The following UVRAG variants were observed in gnomAD, a reference collection of about 807,000 sequenced individuals.
UVRAG encodes UV radiation resistance-associated gene protein.
Under a neutral mutation model 78.0 loss-of-function variants are expected in UVRAG, and 19 were observed. The observed-to-expected ratio is 0.24, with a 90% confidence interval of 0.17 to 0.36. UVRAG has a LOEUF of 0.36. Ranked by LOEUF, UVRAG falls within the 10% of genes least tolerant of loss-of-function variation. The pLI is 1.00. For synonymous variants in UVRAG, 323 were observed against 324.6 expected, an observed-to-expected ratio of 1.00 and a Z score of 0.05; for missense variants, 740 against 853.8, an observed-to-expected ratio of 0.87 and a Z score of 1.66.
intron 4 of UVRAG, among the ~76,000 whole-genome samples, chr11:75,885,506 A>T (rs546524401): frequency 6.6e-6 from 1 of 152,132 alleles, no homozygotes; most frequent in Non-Finnish European, 1.5e-5. Flanking sequence ...AAGATCGCGC[A>T]GTGTTTGGTG....
At chr11:75,903,612 C>T (rs1279835786) in intron 5 of UVRAG, among the ~76,000 whole-genome samples, 2 of 152,180 alleles carry the variant, frequency 1.3e-5, no homozygotes, top group African/African-American at 4.8e-5. Context: ...CCAAATACTG[C>T]CACCCCTGCA....
intron 3 of UVRAG, among the ~76,000 whole-genome samples, chr11:75,863,654 T>C (rs1035153368): frequency 1.3e-5 from 2 of 152,236 alleles, no homozygotes; most frequent in Non-Finnish European, 2.9e-5. Context: ...CTTCAATTGC[T>C]TTGGAGCTAT....
At chr11:75,841,405 G>C (rs1945905855) in intron 1 of UVRAG, among the ~76,000 whole-genome samples, 1 of 152,070 alleles carries the variant, frequency 6.6e-6, no homozygotes, top group Admixed American at 6.5e-5. Context: ...GACAGGGTGT[G>C]CACTGAAAAG....
intron 12 of UVRAG, among the ~76,000 whole-genome samples, chr11:76,037,480 A>G (rs1950555866): frequency 2.2e-5 from 3 of 138,890 alleles, no homozygotes; most frequent in Admixed American, 1.6e-4. Context: ...CAGCGGGCAG[A>G]TTGCTTGATC....
intron 12 of UVRAG, among the ~76,000 whole-genome samples, chr11:76,055,154 C>T (rs1457295861): frequency 6.6e-6 from 1 of 152,048 alleles, no homozygotes; most frequent in Non-Finnish European, 1.5e-5. Context: ...CTCAAGTGAT[C>T]CTCCCACCTC....
At chr11:75,893,545 G>A (rs1947268619) in intron 5 of UVRAG, among the ~76,000 whole-genome samples, 1 of 151,954 alleles carries the variant, frequency 6.6e-6, no homozygotes, top group South Asian at 2.1e-4. Flanking sequence ...ATCAGCAGCA[G>A]TAGATGCCAG....
chr11:75,888,129 G>A lies in UVRAG; in HGVS notation c.433-700G>A, dbSNP rs1947132294. On this transcript the variant is annotated intron_variant, in intron 4 of 14. Coordinates refer to ENST00000356136, the MANE Select transcript of UVRAG (RefSeq NM_003369.4). ...TATTAATCTTTTATGTTTTTCTAGG[G>A]CTTCATTTTTTTTCTTATTTTTAAG... 2.6e-5 allele frequency among the ~76,000 whole-genome samples: 4 copies of A among 152,004 alleles called. No homozygotes were observed. The South Asian group carries it at 8.3e-4, about 32-fold the overall frequency.
chr11:76,035,724 T>C (rs1222113030), intron 12 of UVRAG, among the ~76,000 whole-genome samples: 1 of 152,188 alleles, frequency 6.6e-6, no homozygotes, highest in Non-Finnish European at 1.5e-5. Flanking sequence ...ATGGACAGTT[T>C]AAAGTAAATT....
intron 2 of UVRAG, among the ~76,000 whole-genome samples, chr11:75,859,145 C>T (rs1321984239): frequency 1.3e-5 from 2 of 152,056 alleles, no homozygotes; most frequent in African/African-American, 4.8e-5. Flanking sequence ...GAGGCCGAGG[C>T]GTGTGGATCA....
Position 76,119,601 on chromosome 11 carries a change from G to A in UVRAG, c.1397+3586G>A, listed in dbSNP as rs77375909. ...CTGTCTACCCAGTTGCTCAAACCAG[G>A]GAATCATCCTTGATCCCCTTCTTTT... On this transcript the variant is annotated intron_variant, in intron 14 of 14. Transcript: ENST00000356136. Among the ~76,000 whole-genome samples the A allele has an allele frequency of 4.6e-3, 701 of 152,252 alleles. 3 individuals are homozygous for A. Among genetic ancestry groups the A allele is most frequent in the Non-Finnish European group, 7.5e-3 (512 of 68,018 alleles).
chr11:75,885,220 A>G (rs1196374750), intron 4 of UVRAG, among the ~76,000 whole-genome samples: 1 of 152,102 alleles, frequency 6.6e-6, no homozygotes, highest in Non-Finnish European at 1.5e-5. Flanking sequence ...CAAAAATCAA[A>G]TCTGGTACTT....
At chr11:75,889,147 T>C (rs1947159096) in intron 5 of UVRAG, among the ~76,000 whole-genome samples, 1 of 152,252 alleles carries the variant, frequency 6.6e-6, no homozygotes, top group Non-Finnish European at 1.5e-5. Context: ...TGGAGCTAGC[T>C]GTTTTCTCTT....
chr11:75,958,652 T>C (rs1948850910), intron 6 of UVRAG, among the ~76,000 whole-genome samples: 1 of 152,142 alleles, frequency 6.6e-6, no homozygotes, highest in African/African-American at 2.4e-5. Flanking sequence ...TCTTCCAAAG[T>C]CCTGTTAATG....
chr11:76,027,019 C>T (rs972012116), intron 12 of UVRAG, among the ~76,000 whole-genome samples: 2 of 151,208 alleles, frequency 1.3e-5, no homozygotes, highest in African/African-American at 4.9e-5. Flanking sequence ...TGTTTTAGAA[C>T]CAGTCGGAAT....
chr11:75,883,369 C>CAAAAA (rs561377655), intron 4 of UVRAG, among the ~76,000 whole-genome samples: 12 of 47,946 alleles, frequency 2.5e-4, no homozygotes, highest in East Asian at 6.5e-4. Context: ...TAACAGAGAA[C>CAAAAA]AAAAAAAAAA....
rs1474771134 is a variant in UVRAG, at chr11:76,107,524, T to TGTGTCCA, written c.1306-8395_1306-8389dup. 2.0e-5 allele frequency among the ~76,000 whole-genome samples: 3 copies of TGTGTCCA among 152,256 alleles called. No homozygotes were observed. In the East Asian group the frequency reaches 5.8e-4, roughly 29 times the overall value. ...AGTCCTCAGAATGGTAGACCTGAGC[T>TGTGTCCA]GTGTCCAGTGTTTACATTATAACAT... On this transcript the variant is annotated intron_variant, in intron 13 of 14. Coordinates refer to ENST00000356136, the MANE Select transcript of UVRAG (RefSeq NM_003369.4).
chr11:76,131,190 TTGTA>T (rs1952507262), intron 14 of UVRAG, among the ~76,000 whole-genome samples: 1 of 152,192 alleles, frequency 6.6e-6, no homozygotes, highest in African/African-American at 2.4e-5. Context: ...CTACATTAAT[TTGTA>T]TGATGATTTC....
At chr11:76,122,957 A>T (rs58954457) in intron 14 of UVRAG, among the ~76,000 whole-genome samples, 4,689 of 152,278 alleles carry the variant, frequency 0.031, 252 homozygotes, top group African/African-American at 0.11. Context: ...AAGAAGAATG[A>T]CCACTGTTTT....
intron 12 of UVRAG, among the ~76,000 whole-genome samples, chr11:76,055,345 C>CG (rs1950960443): frequency 1.3e-5 from 2 of 152,132 alleles, no homozygotes; most frequent in East Asian, 3.8e-4. Context: ...ACCGCACCAG[C>CG]CTGTTTTTCT....
Sources: gnomAD v4.1 joint callset for allele counts (sites outside exome capture counted in the v4.1 genomes callset) on GRCh38, gnomAD v4.1.1 for gene constraint, MANE v1.5 for transcripts, NCBI Gene and HGNC (gene_info 2026-07-23, HGNC 2026-07-21) for gene names.